The following LRRC18 variants were observed in gnomAD, a reference collection of about 807,000 sequenced individuals.
The protein encoded by LRRC18 is leucine rich repeat containing 18.
LRRC18 carries 12 observed loss-of-function variants against 11.2 expected under a neutral mutation model. That is an observed-to-expected ratio of 1.07 (90% CI 0.69 to 1.74). The LOEUF is 1.74. Ranked by LOEUF, LRRC18 falls within the 40% of genes most tolerant of loss-of-function variation. The pLI, the probability that LRRC18 is intolerant of heterozygous loss-of-function variation, is 0.00. For synonymous variants in LRRC18, 155 were observed against 130.6 expected (o/e 1.19, Z -1.27); for missense variants, 374 against 330.5 (o/e 1.13, Z -1.02).
chr10:48,926,086 C>T, the LRRC18 span, among the ~76,000 whole-genome samples: 1 of 152,188 alleles, frequency 6.6e-6, no homozygotes, highest in Non-Finnish European at 1.5e-5. Context: ...CTCTCTCCTC[C>T]CTCTGTTGCC....
At chr10:48,933,316 G>A in the LRRC18 span, among the ~76,000 whole-genome samples, 15 of 152,098 alleles carry the variant, frequency 9.9e-5, no homozygotes, top group Admixed American at 5.2e-4. Flanking sequence ...ATTTAATCTA[G>A]TCACTCCACT....
chr10:48,922,277 C>G, the LRRC18 span, among the ~76,000 whole-genome samples: 1 of 152,168 alleles, frequency 6.6e-6, no homozygotes, highest in Non-Finnish European at 1.5e-5. Flanking sequence ...TTGAATCATC[C>G]CTTTTTCCAG....
At chr10:48,932,841 G>A in the LRRC18 span, among the ~76,000 whole-genome samples, 1 of 152,176 alleles carries the variant, frequency 6.6e-6, no homozygotes, top group Non-Finnish European at 1.5e-5. Context: ...CATCTGAGCT[G>A]TAACTAGAAT....
the LRRC18 span, among the ~76,000 whole-genome samples, chr10:48,924,429 A>G: frequency 6.6e-6 from 1 of 152,368 alleles, no homozygotes; most frequent in African/African-American, 2.4e-5. Flanking sequence ...AGTGGGATCA[A>G]CCCACACAAG....
intron 1 of LRRC18, among the ~76,000 whole-genome samples, chr10:48,912,001 G>C (rs1298769008): frequency 6.6e-6 from 1 of 152,176 alleles, no homozygotes; most frequent in Non-Finnish European, 1.5e-5. Context: ...GATGCCTCTT[G>C]GTGCTTCTCA....
chr10:48,934,090 A>G, the LRRC18 span, among the ~76,000 whole-genome samples: 2 of 152,136 alleles, frequency 1.3e-5, no homozygotes, highest in East Asian at 3.9e-4. Context: ...AGCAGCTTAC[A>G]GGCCTGTCAC....
chr10:48,914,164 A>G, exon 1 of LRRC18: 1 of 1,608,574 alleles, frequency 6.2e-7, no homozygotes, highest in East Asian at 2.2e-5. Flanking sequence ...ATGTTCTTTT[A>G]GTAAGGGAGT....
exon 2 of LRRC18, chr10:48,909,586 T>C (rs1412509474): frequency 6.6e-6 from 1 of 152,122 alleles, no homozygotes; most frequent in East Asian, 1.9e-4. Context: ...CTTCCACTCA[T>C]GGTGGAAGGT....
chr10:48,927,785 G>A, the LRRC18 span, among the ~76,000 whole-genome samples: 4 of 152,242 alleles, frequency 2.6e-5, no homozygotes, highest in South Asian at 8.3e-4. Context: ...AATAACAAAA[G>A]ATTATGCTTT....
At chr10:48,916,436 T>C (rs1042061693), upstream of LRRC18, among the ~76,000 whole-genome samples, 1 of 152,228 alleles carries the variant, frequency 6.6e-6, no homozygotes, top group Non-Finnish European at 1.5e-5. Context: ...CCTGTATCCC[T>C]GGAGTCATCC....
chr10:48,925,899 G>A, the LRRC18 span, among the ~76,000 whole-genome samples: 80 of 152,252 alleles, frequency 5.3e-4, 1 homozygote, highest in African/African-American at 1.8e-3. Context: ...AATCTCCAGA[G>A]AAACTAAGCA....
At chr10:48,914,751 G>A (rs1792387612), upstream of LRRC18, among the ~76,000 whole-genome samples, 1 of 152,182 alleles carries the variant, frequency 6.6e-6, no homozygotes, top group African/African-American at 2.4e-5. Context: ...GAACTAGTGA[G>A]GCCTTGGCTA....
At chr10:48,911,200 A>G (rs1388668645) in intron 1 of LRRC18, among the ~76,000 whole-genome samples, 2 of 152,092 alleles carry the variant, frequency 1.3e-5, no homozygotes, top group Non-Finnish European at 2.9e-5. Context: ...AGACACGGTC[A>G]CTCCCCTCAG....
the LRRC18 span, among the ~76,000 whole-genome samples, chr10:48,931,149 C>T: frequency 6.6e-6 from 1 of 151,694 alleles, no homozygotes; most frequent in South Asian, 2.1e-4. Context: ...TTCTTTTCCT[C>T]TTAGAGGACA....
rs144151366 is a variant in LRRC18 at position 48,910,886 on chromosome 10, G to A, written c.765-628C>T. The A allele has an allele frequency of 3.2e-4, 311 of 984,644 alleles. 1 individual carries two copies. The Middle Eastern group carries it at 3.7e-3, about 12-fold the overall frequency. The allele number at this position is 984,644 out of a possible 1,614,324, so 61.0% of individuals were successfully genotyped here. A position where few individuals can be genotyped will look rare whatever the true frequency, so the allele number is the denominator to read the frequency against. Reference sequence around the variant, plus strand: ...ACCAGCAAACCCTGGGCACCAGGTGGGCTCTGTAACCTCGATGTTTCTCTT... The same window carrying A: ...ACCAGCAAACCCTGGGCACCAGGTGAGCTCTGTAACCTCGATGTTTCTCTT... On this transcript the variant is annotated intron_variant, in intron 1 of 1. Transcript: ENST00000374160.
chr10:48,917,824 G>C (rs1233074386), upstream of LRRC18, among the ~76,000 whole-genome samples: 1 of 152,216 alleles, frequency 6.6e-6, no homozygotes, highest in Non-Finnish European at 1.5e-5. Flanking sequence ...CTAAATATCT[G>C]AGTAAATGTG....
At chr10:48,928,720 G>A in the LRRC18 span, among the ~76,000 whole-genome samples, 1 of 152,194 alleles carries the variant, frequency 6.6e-6, no homozygotes. Context: ...GTCCACTGGA[G>A]CACCCCATCT....
At chr10:48,939,301 C>T in the LRRC18 span, among the ~76,000 whole-genome samples, 2 of 152,248 alleles carry the variant, frequency 1.3e-5, no homozygotes, top group African/African-American at 2.4e-5. Flanking sequence ...TAGCTCCGTG[C>T]CCACACCAAT....
exon 2 of LRRC18, chr10:48,910,102 C>T: frequency 1.3e-6 from 1 of 792,596 alleles, no homozygotes; most frequent in Non-Finnish European, 2.2e-6. Flanking sequence ...AAGTCGGTGG[C>T]TTGGCCAGCT....
Sources: gnomAD v4.1 joint callset for allele counts (sites outside exome capture counted in the v4.1 genomes callset) on GRCh38, gnomAD v4.1.1 for gene constraint, MANE v1.5 for transcripts, NCBI Gene and HGNC (gene_info 2026-07-23, HGNC 2026-07-21) for gene names.